Variants in DCDC1 observed in about 807,000 individuals in gnomAD.
The protein encoded by DCDC1 is doublecortin domain-containing protein 1.
A neutral mutation model predicts 178.3 loss-of-function variants in DCDC1; 200 were observed. That is an observed-to-expected ratio of 1.12 (90% CI 1.00 to 1.26). The LOEUF (loss-of-function observed/expected upper bound fraction) is 1.26, where lower values mean the gene tolerates loss of function less well. Among genes scored for constraint, DCDC1 ranks in the 50% most tolerant of loss-of-function variants. The pLI, the probability that DCDC1 is intolerant of heterozygous loss-of-function variation, is 0.00. For synonymous variants in DCDC1, 690 were observed against 604.8 expected, an observed-to-expected ratio of 1.14 and a Z score of -2.07; for missense variants, 1,983 against 1,749.2, an observed-to-expected ratio of 1.13 and a Z score of -2.38.
intron 9 of DCDC1, among the ~76,000 whole-genome samples, chr11:31,212,881 G>T (rs1972755296): frequency 6.6e-6 from 1 of 152,070 alleles, no homozygotes; most frequent in Admixed American, 6.5e-5. Context: ...ATAGAAATTG[G>T]AAGAAACCTA....
At chr11:31,090,000 A>C (rs771762926) in intron 17 of DCDC1, among the ~76,000 whole-genome samples, 44 of 152,114 alleles carry the variant, frequency 2.9e-4, no homozygotes, top group Non-Finnish European at 5.1e-4. Context: ...ATAGTTTCGC[A>C]TTGGCATTGG....
At chr11:31,244,739 G>C (rs1305281873) in intron 8 of DCDC1, among the ~76,000 whole-genome samples, 1 of 151,670 alleles carries the variant, frequency 6.6e-6, no homozygotes, top group East Asian at 1.9e-4. Flanking sequence ...CAGTCAAATG[G>C]AATCATTTCA....
chr11:30,887,435 T>A (rs948624601), intron 36 of DCDC1, among the ~76,000 whole-genome samples: 2 of 152,168 alleles, frequency 1.3e-5, no homozygotes, highest in Non-Finnish European at 1.5e-5. Context: ...TTTTAACAGA[T>A]CAACGTAATG....
intron 20 of DCDC1, among the ~76,000 whole-genome samples, chr11:30,984,484 A>G (rs1439964976): frequency 1.3e-5 from 2 of 152,190 alleles, no homozygotes; most frequent in Non-Finnish European, 2.9e-5. Flanking sequence ...AATTCTTGAC[A>G]CAACACACAA....
At chr11:31,286,282 TG>T (rs1946827124) in intron 7 of DCDC1, among the ~76,000 whole-genome samples, 1 of 152,066 alleles carries the variant, frequency 6.6e-6, no homozygotes, top group Non-Finnish European at 1.5e-5. Flanking sequence ...AAAAAAACTG[TG>T]GTCCTTTTGC....
Position 30,896,472 on chromosome 11 carries a change from TG to T in DCDC1, c.4766-2089del, listed in dbSNP as rs531214605. On this transcript the variant is annotated intron_variant, in intron 34 of 38. Transcript: ENST00000684477. ...TGCTGTTTTTTCATGGGATGAGTCT[TG>T]CCCGGACAGCTCTCCCCATTCGCTG... Among the ~76,000 whole-genome samples, 89 of 152,330 alleles carry T rather than the reference TG, an allele frequency of 5.8e-4. 1 individual carries two copies. In the South Asian group the frequency reaches 0.018, roughly 31 times the overall value.
chr11:31,043,586 A>G (rs491056), intron 20 of DCDC1, among the ~76,000 whole-genome samples: 74,449 of 151,738 alleles, frequency 0.49, 18,541 homozygotes, highest in African/African-American at 0.57. Flanking sequence ...ACATAAACAG[A>G]CATTGGTTAT....
intron 9 of DCDC1, among the ~76,000 whole-genome samples, chr11:31,162,840 T>C (rs1455974027): frequency 6.6e-6 from 1 of 152,178 alleles, no homozygotes; most frequent in African/African-American, 2.4e-5. Flanking sequence ...GAGAAGTAGA[T>C]TTCATTTACC....
chr11:31,147,726 T>A (rs569412352), intron 9 of DCDC1, among the ~76,000 whole-genome samples: 1 of 152,156 alleles, frequency 6.6e-6, no homozygotes, highest in Non-Finnish European at 1.5e-5. Context: ...TTGCAATCAA[T>A]GGGAGCTGAT....
intron 9 of DCDC1, among the ~76,000 whole-genome samples, chr11:31,139,757 T>TG: frequency 6.6e-6 from 1 of 151,088 alleles, no homozygotes; most frequent in East Asian, 1.9e-4. Flanking sequence ...GCACCACAGT[T>TG]GGAAAAAAAA....
chr11:30,976,566 C>A (rs1950114183), intron 20 of DCDC1, among the ~76,000 whole-genome samples: 1 of 151,000 alleles, frequency 6.6e-6, no homozygotes, highest in Non-Finnish European at 1.5e-5. Flanking sequence ...AGATGGCCAA[C>A]AGGCATTTGA....
intron 27 of DCDC1, among the ~76,000 whole-genome samples, chr11:30,913,983 A>G (rs896138417): frequency 1.3e-5 from 2 of 152,240 alleles, no homozygotes. Context: ...TGCTAAATAC[A>G]ATGTAGAAAT....
intron 7 of DCDC1, among the ~76,000 whole-genome samples, chr11:31,284,430 T>C (rs1946672151): frequency 6.6e-6 from 1 of 152,128 alleles, no homozygotes; most frequent in Non-Finnish European, 1.5e-5. Context: ...GATTCTAATG[T>C]CCAGAAACTC....
chr11:31,302,854 T>C (rs1034359711), intron 6 of DCDC1, among the ~76,000 whole-genome samples: 1 of 152,240 alleles, frequency 6.6e-6, no homozygotes, highest in African/African-American at 2.4e-5. Flanking sequence ...ATTTTCTCCA[T>C]CTACACTGCT....
At chr11:31,268,678 T>G (rs185374347) in intron 7 of DCDC1, among the ~76,000 whole-genome samples, 1 of 152,226 alleles carries the variant, frequency 6.6e-6, no homozygotes, top group Non-Finnish European at 1.5e-5. Flanking sequence ...AGTGCTGTGA[T>G]GAACACACGA....
intron 20 of DCDC1, among the ~76,000 whole-genome samples, chr11:31,020,039 T>C (rs1483891313): frequency 6.6e-6 from 1 of 152,214 alleles, no homozygotes; most frequent in Non-Finnish European, 1.5e-5. Flanking sequence ...TCTGTAAGCA[T>C]GTAAATTGTT....
intron 9 of DCDC1, among the ~76,000 whole-genome samples, chr11:31,204,162 G>A (rs371951723): frequency 2.6e-5 from 4 of 152,150 alleles, no homozygotes; most frequent in African/African-American, 9.7e-5. Context: ...TGAGTACTGT[G>A]AGCCAACCAC....
At chr11:31,111,109 C>T (rs1959167177) in intron 11 of DCDC1, among the ~76,000 whole-genome samples, 1 of 152,102 alleles carries the variant, frequency 6.6e-6, no homozygotes, top group African/African-American at 2.4e-5. Context: ...TGCCATTCAC[C>T]AGGCAAGAAA....
At chr11:31,210,934 G>GGATA (rs1972454891) in intron 9 of DCDC1, among the ~76,000 whole-genome samples, 1 of 152,056 alleles carries the variant, frequency 6.6e-6, no homozygotes, top group Non-Finnish European at 1.5e-5. Flanking sequence ...ATCCATGAAT[G>GGATA]GATAAATATC....
Sources: allele counts gnomAD v4.1 joint callset (sites outside exome capture counted in the v4.1 genomes callset), GRCh38; gene constraint gnomAD v4.1.1; transcripts MANE v1.5; gene names NCBI Gene and HGNC (gene_info 2026-07-23, HGNC 2026-07-21).